The following SDK1 variants were observed in gnomAD, a reference collection of about 807,000 sequenced individuals.
SDK1 encodes the protein protein sidekick-1.
In SDK1, 157 loss-of-function variants were observed where a neutral mutation model predicts 245.5. The observed-to-expected ratio is 0.64, with a 90% confidence interval of 0.56 to 0.73. The LOEUF is 0.73. SDK1 is among the 30% of genes least tolerant of loss of function. The pLI, the probability that SDK1 is intolerant of heterozygous loss-of-function variation, is 0.00. For missense variants in SDK1, 3,583 were observed against 3,002.3 expected (o/e 1.19, Z -4.52); for synonymous variants, 1,647 against 1,278.5 (o/e 1.29, Z -6.15).
chr7:3,750,996 C>G (rs1450364474), intron 4 of SDK1, among the ~76,000 whole-genome samples: 1 of 152,180 alleles, frequency 6.6e-6, no homozygotes, highest in Non-Finnish European at 1.5e-5. Flanking sequence ...CTTTTGAGAA[C>G]TGTCTTTTTC....
At chr7:3,815,868 A>G (rs1779495833) in intron 4 of SDK1, among the ~76,000 whole-genome samples, 1 of 148,760 alleles carries the variant, frequency 6.7e-6, no homozygotes. Flanking sequence ...CAGCAAATGT[A>G]AAACAACAGA....
At chr7:3,474,944 G>C (rs1265712291) in intron 1 of SDK1, among the ~76,000 whole-genome samples, 1 of 152,086 alleles carries the variant, frequency 6.6e-6, no homozygotes, top group Non-Finnish European at 1.5e-5. Flanking sequence ...CTCCTTCCTG[G>C]CCTACCAAAA....
At position 3,650,600 on chromosome 7, in the gene SDK1, C is replaced by T. The variant is rs541121573; in HGVS notation, c.713+8495C>T. On this transcript the variant is annotated intron_variant, in intron 4 of 44. Coordinates refer to ENST00000404826, the MANE Select transcript of SDK1 (RefSeq NM_152744.4). ...GTTGAGATCTTGTTAAACTGTGTTA[C>T]GGTATCACAACCAGGATACTGACTT... Among the ~76,000 whole-genome samples, 40 of 152,236 alleles carry T rather than the reference C, an allele frequency of 2.6e-4. 1 individual carries two copies. Among genetic ancestry groups the T allele is most frequent in the African/African-American group, 7.5e-4 (31 of 41,540 alleles).
chr7:4,216,162 T>G (rs1488917554), intron 38 of SDK1, among the ~76,000 whole-genome samples: 1 of 152,148 alleles, frequency 6.6e-6, no homozygotes, highest in Non-Finnish European at 1.5e-5. Context: ...AACTCTCTGT[T>G]GAATGTGGGA....
intron 4 of SDK1, among the ~76,000 whole-genome samples, chr7:3,737,421 C>T (rs975771780): frequency 2.6e-5 from 4 of 152,236 alleles, no homozygotes; most frequent in African/African-American, 7.2e-5. Flanking sequence ...TGGCTGATTT[C>T]AGGCTATGCT....
At chr7:3,947,424 T>C (rs1780623310) in intron 5 of SDK1, among the ~76,000 whole-genome samples, 1 of 152,192 alleles carries the variant, frequency 6.6e-6, no homozygotes, top group Admixed American at 6.5e-5. Flanking sequence ...ATGTAAAGAT[T>C]ATCTACTGCA....
At chr7:3,918,060 C>A (rs1487856576) in intron 5 of SDK1, among the ~76,000 whole-genome samples, 1 of 152,196 alleles carries the variant, frequency 6.6e-6, no homozygotes, top group Non-Finnish European at 1.5e-5. Flanking sequence ...TCTAGGTAGA[C>A]AAAACAGAGG....
rs1384546497 is a variant in SDK1, at chr7:3,792,626, C to G, written c.714-28824C>G. Among the ~76,000 whole-genome samples, 3 of 150,420 alleles carry G rather than the reference C, an allele frequency of 2.0e-5. No homozygotes were observed. In the East Asian group the frequency reaches 5.8e-4, roughly 29 times the overall value. ...CCCTTTCTCCCTCCCATCCATCCATCCATCCATCCATCCATCCACCTGTCC... is the reference window on the plus strand; with the variant it reads ...CCCTTTCTCCCTCCCATCCATCCATGCATCCATCCATCCATCCACCTGTCC... On this transcript the variant is annotated intron_variant, in intron 4 of 44. Transcript: ENST00000404826.
intron 20 of SDK1, 125 bp downstream of exon 20, chr7:4,068,061 G>A: frequency 1.5e-6 from 1 of 685,268 alleles, no homozygotes; most frequent in Non-Finnish European, 2.5e-6. Flanking sequence ...AAGAGGAACT[G>A]AAAAGTCTTC....
intron 5 of SDK1, among the ~76,000 whole-genome samples, chr7:3,882,739 A>G (rs541958025): frequency 2.0e-5 from 3 of 151,468 alleles, no homozygotes; most frequent in African/African-American, 2.4e-5. Context: ...TTTTTTTTTT[A>G]AAAGCCAACT....
At chr7:3,645,858 T>A (rs551511875) in intron 4 of SDK1, among the ~76,000 whole-genome samples, 8 of 152,222 alleles carry the variant, frequency 5.3e-5, no homozygotes, top group South Asian at 4.1e-4. Flanking sequence ...CACCTATTTT[T>A]TTTTTATTTT....
At chr7:3,379,310 G>C (rs774764177) in intron 1 of SDK1, among the ~76,000 whole-genome samples, 4 of 152,120 alleles carry the variant, frequency 2.6e-5, no homozygotes, top group African/African-American at 9.7e-5. Context: ...CGTAGTTCTT[G>C]TTCTGTGAGG....
intron 1 of SDK1, among the ~76,000 whole-genome samples, chr7:3,437,272 T>G (rs1311834525): frequency 1.6e-4 from 24 of 152,156 alleles, no homozygotes; most frequent in Admixed American, 1.6e-3. Context: ...CTTATAACAT[T>G]GTTATTTCCC....
rs1779916055 is a variant in SDK1, at chr7:4,145,655, G to A, written c.4229-67G>A. On this transcript the variant is annotated intron_variant, in intron 28 of 44. Coordinates refer to ENST00000404826, the MANE Select transcript of SDK1 (RefSeq NM_152744.4). ...CTTCCAGGGGTCAGCACAGGGTGTG[G>A]GCACAGGGCTTCCCTGTGCCGTGGG... The A allele has an allele frequency of 1.7e-5, 24 of 1,414,182 alleles. No individual in the cohort carries two copies. In the East Asian group the frequency reaches 5.6e-4, roughly 33 times the overall value. 87.6% of individuals were successfully genotyped at this position (1,414,182 alleles called of 1,614,324 possible).
chr7:3,394,039 G>C (rs1781828862), intron 1 of SDK1, among the ~76,000 whole-genome samples: 1 of 152,012 alleles, frequency 6.6e-6, no homozygotes, highest in Non-Finnish European at 1.5e-5. Flanking sequence ...TGCATTAGGG[G>C]GCACCCTAAG....
intron 32 of SDK1, among the ~76,000 whole-genome samples, chr7:4,163,552 G>A (rs756577741): frequency 6.6e-6 from 1 of 152,188 alleles, no homozygotes; most frequent in Non-Finnish European, 1.5e-5. Flanking sequence ...CATCTCCCAG[G>A]GCCCTGCAGA....
chr7:4,236,575 G>A (rs984845522), intron 41 of SDK1, among the ~76,000 whole-genome samples: 4 of 152,058 alleles, frequency 2.6e-5, no homozygotes, highest in Non-Finnish European at 4.4e-5. Context: ...TTTGCGGCGG[G>A]GGCTTCCATA....
intron 1 of SDK1, among the ~76,000 whole-genome samples, chr7:3,496,062 A>C (rs1336905725): frequency 6.6e-6 from 1 of 152,146 alleles, no homozygotes; most frequent in Non-Finnish European, 1.5e-5. Flanking sequence ...CCCAGGAGAG[A>C]GCTGATAACG....
chr7:4,132,292 T>G, intron 27 of SDK1, 33 bp from the exon 28 acceptor site: 718 of 1,531,412 alleles, frequency 4.7e-4, no homozygotes, highest in Non-Finnish European at 5.7e-4. Context: ...AACACTGTCT[T>G]GAGATCTGAA....
Sources: allele counts gnomAD v4.1 joint callset (sites outside exome capture counted in the v4.1 genomes callset), GRCh38; gene constraint gnomAD v4.1.1; transcripts MANE v1.5; gene names NCBI Gene and HGNC (gene_info 2026-07-23, HGNC 2026-07-21).